PRNP: variants seen among roughly 807,000 people sequenced by gnomAD.
The protein encoded by PRNP is major prion protein.
A neutral mutation model predicts 21.3 loss-of-function variants in PRNP; 15 were observed. The observed-to-expected ratio is 0.71, with a 90% CI of 0.47 to 1.09. The LOEUF is 1.09. Among genes scored for constraint, PRNP ranks in the 50% least tolerant of loss-of-function variants. PRNP has a pLI of 0.00. For missense variants in PRNP, 285 were observed against 340.9 expected (o/e 0.84, Z 1.29); for synonymous variants, 121 against 123.1 (o/e 0.98, Z 0.11).
chr20:4,688,470 C>G (rs1921617007), intron 1 of PRNP, among the ~76,000 whole-genome samples: 1 of 152,176 alleles, frequency 6.6e-6, no homozygotes, highest in Admixed American at 6.5e-5. Context: ...TTTTGTTAAG[C>G]AATCTGGTGA....
In PRNP at chr20:4,699,781, C is replaced by A; in HGVS notation, c.561C>A (p.His187Gln). The change falls in exon 2 of 2, where the codon CAC (histidine) becomes CAA (glutamine). Residue 187 changes from histidine (H) to glutamine (Q), a missense_variant. Physicochemically the swap from His to Gln is conservative, Grantham distance 24 (BLOSUM62 0). Coordinates refer to ENST00000379440, the MANE Select transcript of PRNP (RefSeq NM_000311.5). This position sits in a 1 kb window ranked among gnomAD's most constrained non-coding sequence, Gnocchi z 5.8. ...GCGTCAATATCACAATCAAGCAGCACACGGTCACCACAACCACCAAGGGGG... is the reference window on the plus strand; with the variant it reads ...GCGTCAATATCACAATCAAGCAGCAAACGGTCACCACAACCACCAAGGGGG... ...HDCVNITIKQ[H>Q]TVTTTTKGEN... 6.2e-7 allele frequency: 1 copy of A among 1,614,088 alleles called. No individual in the cohort carries two copies. Among genetic ancestry groups the A allele is most frequent in the African/African-American group, 1.3e-5 (1 of 75,016 alleles).
chr20:4,693,933 T>G (rs535692154), intron 1 of PRNP, among the ~76,000 whole-genome samples: 5 of 116,236 alleles, frequency 4.3e-5, no homozygotes, highest in Non-Finnish European at 7.3e-5. Context: ...CCCATCACTA[T>G]TAAAAATACA....
chr20:4,699,647 A>C lies in PRNP; in HGVS notation c.427A>C (p.Ser143Arg). The C allele has an allele frequency of 6.2e-7, 1 of 1,614,124 alleles. No homozygotes were observed. The highest frequency in any genetic ancestry group is 8.5e-7 in the Non-Finnish European group (1 of 1,180,020). ...AMSRPIIHFG[S>R]DYEDRYYREN... The stretch of plus-strand genomic sequence containing the variant: ...GAGCAGGCCCATCATACATTTCGGC[A>C]GTGACTATGAGGACCGTTACTATCG... The change falls in exon 2 of 2, where the codon AGT becomes CGT. Residue 143 changes from serine (S) to arginine (R), a missense_variant. By Grantham distance (110) the Ser-to-Arg change is moderately radical. Transcript: ENST00000379440. The surrounding 1 kb of genome is among the most constrained non-coding windows in gnomAD (Gnocchi z 5.8).
In PRNP at chr20:4,686,609, CG is replaced by C. The variant is rs1921450340; in HGVS notation, c.-11+99del. Reference sequence around the variant, plus strand: ...CTCGGGTCCCAGGCGCAAGGGTGCCCGGCCGGGCGGGGTCGGGACCCCAGTG... The same window carrying C: ...CTCGGGTCCCAGGCGCAAGGGTGCCCGCCGGGCGGGGTCGGGACCCCAGTG... On this transcript the variant is annotated intron_variant, in intron 1 of 1. Coordinates refer to ENST00000379440, the MANE Select transcript of PRNP (RefSeq NM_000311.5). The surrounding 1 kb of genome is among the most constrained non-coding windows in gnomAD (Gnocchi z 6.7). 1 of 151,744 alleles carries C rather than the reference CG, an allele frequency of 6.6e-6. No individual in the cohort carries two copies. Among genetic ancestry groups the C allele is most frequent in the African/African-American group, 2.4e-5 (1 of 41,342 alleles). 9.4% of individuals were successfully genotyped at this position (151,744 alleles called of 1,614,324 possible).
chr20:4,697,219 G>T lies in PRNP; in HGVS notation c.-10-1992G>T, dbSNP rs910838427. Among the ~76,000 whole-genome samples the T allele has an allele frequency of 2.0e-5, 3 of 152,164 alleles. No homozygotes were observed. Among genetic ancestry groups the T allele is most frequent in the African/African-American group, 7.2e-5 (3 of 41,434 alleles). On this transcript the variant is annotated intron_variant, in intron 1 of 1. Coordinates refer to ENST00000379440, the MANE Select transcript of PRNP (RefSeq NM_000311.5). The surrounding 1 kb of genome is among the most constrained non-coding windows in gnomAD (Gnocchi z 4.6). ...ATTATAAATATTTAGTATTTAGTTT[G>T]ATTATTCCTTATGCTTTATAACATG...
intron 1 of PRNP, among the ~76,000 whole-genome samples, chr20:4,690,158 T>G (rs1921734091): frequency 6.6e-6 from 1 of 152,190 alleles, no homozygotes; most frequent in African/African-American, 2.4e-5. Context: ...AAAATTTTTT[T>G]CAGCTTACAT....
At chr20:4,688,447 C>G (rs760734342) in intron 1 of PRNP, among the ~76,000 whole-genome samples, 1 of 152,132 alleles carries the variant, frequency 6.6e-6, no homozygotes, top group Non-Finnish European at 1.5e-5. Flanking sequence ...GCATTTCGAA[C>G]CAGTGACAAA....
intron 1 of PRNP, among the ~76,000 whole-genome samples, chr20:4,696,920 GTCC>G (rs1217206322): frequency 1.3e-5 from 2 of 152,084 alleles, no homozygotes; most frequent in African/African-American, 4.8e-5. Flanking sequence ...ACTATGCCAT[GTCC>G]TCGCCTGTTC....
chr20:4,696,404 G>T (rs1922170464), intron 1 of PRNP, among the ~76,000 whole-genome samples: 1 of 152,178 alleles, frequency 6.6e-6, no homozygotes, highest in Non-Finnish European at 1.5e-5. Flanking sequence ...TTGAATATCT[G>T]TATTTTCTTC....
chr20:4,695,891 A>G (rs1269317171), intron 1 of PRNP, among the ~76,000 whole-genome samples: 2 of 152,208 alleles, frequency 1.3e-5, no homozygotes, highest in Non-Finnish European at 2.9e-5. Context: ...TCCCAGAAGC[A>G]TGAAACCTTC....
chr20:4,692,903 C>G (rs1174361490), intron 1 of PRNP, among the ~76,000 whole-genome samples: 1 of 152,142 alleles, frequency 6.6e-6, no homozygotes, highest in Non-Finnish European at 1.5e-5. Flanking sequence ...GACCCTTTAT[C>G]CCATTGGCTC....
At position 4,699,271 on chromosome 20, in the gene PRNP, T is replaced by A; in HGVS notation, c.51T>A (p.Ser17Arg). The A allele has an allele frequency of 1.2e-6, 2 of 1,613,912 alleles. No homozygotes were observed. Among genetic ancestry groups the A allele is most frequent in the Non-Finnish European group, 1.7e-6 (2 of 1,180,012 alleles). The change falls in exon 2 of 2, where the codon AGT becomes AGA. Residue 17 changes from serine to arginine, a missense_variant. Transcript: ENST00000379440. The surrounding 1 kb of genome is among the most constrained non-coding windows in gnomAD (Gnocchi z 5.8). The stretch of plus-strand genomic sequence containing the variant: ...TGGTTCTCTTTGTGGCCACATGGAG[T>A]GACCTGGGCCTCTGCAAGAAGCGCC... ...WMLVLFVATW[S>R]DLGLCKKRPK...
rs753810713 is a variant in PRNP at position 4,699,443 on chromosome 20, C to G, written c.223C>G (p.Gln75Glu). Reference sequence around the variant, plus strand: ...GCAGCCTCATGGTGGTGGCTGGGGGCAGCCCCATGGTGGTGGCTGGGGACA... The same window carrying G: ...GCAGCCTCATGGTGGTGGCTGGGGGGAGCCCCATGGTGGTGGCTGGGGACA... ...WGQPHGGGWG[Q>E]PHGGGWGQPH... The change falls in exon 2 of 2, where the codon CAG becomes GAG. Residue 75 changes from glutamine to glutamate, a missense_variant. Transcript: ENST00000379440. This position sits in a 1 kb window ranked among gnomAD's most constrained non-coding sequence, Gnocchi z 5.8. The G allele has an allele frequency of 4.3e-6, 7 of 1,611,046 alleles. No homozygotes were observed. Among genetic ancestry groups the G allele is most frequent in the Non-Finnish European group, 5.9e-6 (7 of 1,178,586 alleles).
At chr20:4,688,147 T>A (rs1221286323) in intron 1 of PRNP, among the ~76,000 whole-genome samples, 1 of 152,074 alleles carries the variant, frequency 6.6e-6, no homozygotes, top group East Asian at 1.9e-4. Context: ...AAATGATGAG[T>A]CATTTACACA....
At position 4,700,910 on chromosome 20, in the gene PRNP, A is replaced by C. The variant is rs1195254935; in HGVS notation, c.*928A>C. The C allele has an allele frequency of 6.0e-6, 1 of 166,874 alleles. No individual in the cohort carries two copies. Among genetic ancestry groups the C allele is most frequent in the East Asian group, 1.9e-4 (1 of 5,210 alleles). 10.3% of individuals were successfully genotyped at this position (166,874 alleles called of 1,614,324 possible). ...CATACAGGAGAGCTGCAGTTGTGAA[A>C]GCACCATCATCATAGAGGATGATGT... On this transcript the variant is annotated 3_prime_UTR_variant, in exon 2 of 2. Transcript: ENST00000379440. The surrounding 1 kb of genome is among the most constrained non-coding windows in gnomAD (Gnocchi z 4.1).
chr20:4,701,118 T>A lies in PRNP; in HGVS notation c.*1136T>A, dbSNP rs545572265. 1.2e-5 allele frequency: 2 copies of A among 166,104 alleles called. No homozygotes were observed. The highest frequency in any genetic ancestry group is 1.9e-4 in the East Asian group (1 of 5,196). The allele number at this position is 166,104 out of a possible 1,614,324, so 10.3% of individuals were successfully genotyped here. On this transcript the variant is annotated 3_prime_UTR_variant, in exon 2 of 2. Transcript: ENST00000379440. This position sits in a 1 kb window ranked among gnomAD's most constrained non-coding sequence, Gnocchi z 4.2. The stretch of plus-strand genomic sequence containing the variant: ...GGAGATGACAGAAATATGATTGATT[T>A]GAAGTGGAAAAAGAAATTCTGTTAA...
intron 1 of PRNP, among the ~76,000 whole-genome samples, chr20:4,694,618 AT>A (rs1323117964): frequency 6.6e-6 from 1 of 152,034 alleles, no homozygotes. Flanking sequence ...GAAATTCCAC[AT>A]TTTTGTGGGT....
chr20:4,700,618 T>C lies in PRNP; in HGVS notation c.*636T>C, dbSNP rs1270492404. 1.5e-5 allele frequency: 3 copies of C among 201,982 alleles called. No homozygotes were observed. The highest frequency in any genetic ancestry group is 3.4e-5 in the Non-Finnish European group (3 of 88,616). The allele number at this position is 201,982 out of a possible 1,614,324, so 12.5% of individuals were successfully genotyped here. On this transcript the variant is annotated 3_prime_UTR_variant, in exon 2 of 2. Coordinates refer to ENST00000379440, the MANE Select transcript of PRNP (RefSeq NM_000311.5). This position sits in a 1 kb window ranked among gnomAD's most constrained non-coding sequence, Gnocchi z 4.1. Reference sequence around the variant, plus strand: ...GCAGCTGTTCAACAAGAGTAAATATTGTCACAACACTGAACCTCTGGCTAG... The same window carrying C: ...GCAGCTGTTCAACAAGAGTAAATATCGTCACAACACTGAACCTCTGGCTAG...
rs1173838598 is a variant in PRNP at position 4,699,637 on chromosome 20, A to T, written c.417A>T (p.Ile139=). ...MLGSAMSRPI[I]HFGSDYEDRY... ...GAAGTGCCATGAGCAGGCCCATCAT[A>T]CATTTCGGCAGTGACTATGAGGACC... Residue 139 remains isoleucine, a synonymous_variant, in exon 2 of 2, where the codon ATA becomes ATT. Transcript: ENST00000379440. This position sits in a 1 kb window ranked among gnomAD's most constrained non-coding sequence, Gnocchi z 5.8. The T allele has an allele frequency of 6.2e-7, 1 of 1,614,108 alleles. No individual in the cohort carries two copies. Among genetic ancestry groups the T allele is most frequent in the South Asian group, 1.1e-5 (1 of 91,080 alleles).
Sources: gnomAD v4.1 joint callset for allele counts (sites outside exome capture counted in the v4.1 genomes callset) on GRCh38, gnomAD v4.1.1 for gene constraint, Gnocchi (gnomAD v3.1) non-coding constraint, MANE v1.5 for transcripts, NCBI Gene and HGNC (gene_info 2026-07-23, HGNC 2026-07-21) for gene names.